AOPEP: variants seen among roughly 807,000 people sequenced by gnomAD.
The protein encoded by AOPEP is aminopeptidase O (putative).
AOPEP carries 77 observed loss-of-function variants against 98.1 expected under a neutral mutation model. The observed-to-expected ratio is 0.78, with a 90% CI of 0.65 to 0.95. AOPEP has a LOEUF of 0.95. Ranked by LOEUF, AOPEP falls within the 40% of genes least tolerant of loss-of-function variation. The pLI is 0.00. For synonymous variants in AOPEP, 346 were observed against 365.3 expected (o/e 0.95, Z 0.60); for missense variants, 1,024 against 1,024.7 (o/e 1.00, Z 0.01).
In AOPEP at chr9:95,007,397, G is replaced by C. The variant is rs1014036485; in HGVS notation, c.2115+1781G>C. 3.5e-5 allele frequency among the ~76,000 whole-genome samples: 5 copies of C among 143,498 alleles called. No homozygotes were observed. In the South Asian group the frequency reaches 1.2e-3, roughly 35 times the overall value. 94.1% of individuals were successfully genotyped at this position (143,498 alleles called of 152,430 possible). On this transcript the variant is annotated intron_variant, in intron 13 of 16. Transcript: ENST00000375315. ...CGGGGTGGGGAGAAAGTGGGGGGGG[G>C]ACTGATTATTTTACCTTGCAGGAGA...
At chr9:94,827,784 A>G (rs559762361) in intron 5 of AOPEP, among the ~76,000 whole-genome samples, 1 of 152,314 alleles carries the variant, frequency 6.6e-6, no homozygotes, top group South Asian at 2.1e-4. Context: ...TAGGCTTTCA[A>G]GATCAAAGGC....
At chr9:94,883,311 A>G (rs1169757561) in intron 5 of AOPEP, among the ~76,000 whole-genome samples, 1 of 152,246 alleles carries the variant, frequency 6.6e-6, no homozygotes, top group Non-Finnish European at 1.5e-5. Flanking sequence ...TGCAAATCGA[A>G]CAGCCTTCAG....
chr9:94,766,729 A>G (rs141349662), intron 2 of AOPEP, among the ~76,000 whole-genome samples: 5 of 152,298 alleles, frequency 3.3e-5, no homozygotes, highest in African/African-American at 7.2e-5. Flanking sequence ...AACTATAGCT[A>G]TTTGGATTTT....
chr9:94,778,256 C>T (rs1032093635), intron 3 of AOPEP, among the ~76,000 whole-genome samples: 3 of 152,118 alleles, frequency 2.0e-5, no homozygotes, highest in African/African-American at 7.2e-5. Flanking sequence ...CAAACTTAAA[C>T]ATATATTTAC....
chr9:94,743,909 C>T (rs929796610), intron 1 of AOPEP, among the ~76,000 whole-genome samples: 5 of 152,128 alleles, frequency 3.3e-5, no homozygotes, highest in African/African-American at 4.8e-5. Flanking sequence ...CAGAGTTAAG[C>T]GAGCAGGGAC....
intron 8 of AOPEP, 86 bp downstream of exon 8, chr9:94,955,365 G>C (rs1048392340): frequency 1.2e-6 from 1 of 806,960 alleles, no homozygotes; most frequent in East Asian, 2.6e-5. Context: ...TTAGTAACAA[G>C]ACTGAGGTGA....
chr9:95,000,474 A>G (rs545292893), intron 11 of AOPEP, among the ~76,000 whole-genome samples: 1 of 152,198 alleles, frequency 6.6e-6, no homozygotes, highest in Non-Finnish European at 1.5e-5. Flanking sequence ...TTGGGAGGCC[A>G]AGGTGGGTGG....
the AOPEP span, among the ~76,000 whole-genome samples, chr9:95,148,706 G>A: frequency 6.6e-6 from 1 of 152,164 alleles, no homozygotes; most frequent in African/African-American, 2.4e-5. Flanking sequence ...CATGCATAAT[G>A]CTACAAAATT....
chr9:94,734,753 A>C (rs1831351201), intron 1 of AOPEP, among the ~76,000 whole-genome samples: 1 of 152,222 alleles, frequency 6.6e-6, no homozygotes, highest in Non-Finnish European at 1.5e-5. Context: ...ATTCAACCTA[A>C]TTGTAGTGGC....
chr9:94,845,050 A>G (rs1353120042), intron 5 of AOPEP, among the ~76,000 whole-genome samples: 1 of 152,248 alleles, frequency 6.6e-6, no homozygotes, highest in Admixed American at 6.5e-5. Context: ...AGCCCATTGC[A>G]TATGGAACTT....
the AOPEP span, among the ~76,000 whole-genome samples, chr9:95,094,715 G>T: frequency 6.6e-6 from 1 of 152,180 alleles, no homozygotes; most frequent in Non-Finnish European, 1.5e-5. Flanking sequence ...TGCCCAAGTG[G>T]AGTGCAGTGG....
chr9:95,087,482 CAA>C (rs746666179), downstream of AOPEP, among the ~76,000 whole-genome samples: 394 of 37,326 alleles, frequency 0.011, no homozygotes, highest in African/African-American at 0.041. Context: ...GACTCCATCT[CAA>C]AAAAAAAAAA....
At position 95,087,046 on chromosome 9, in the gene AOPEP, T is replaced by A; in HGVS notation, c.*369T>A. The A allele has an allele frequency of 1.4e-6, 1 of 702,946 alleles. No individual in the cohort carries two copies. Among genetic ancestry groups the A allele is most frequent in the Non-Finnish European group, 1.7e-6 (1 of 571,722 alleles). 43.5% of individuals were successfully genotyped at this position (702,946 alleles called of 1,614,324 possible). A position where few individuals can be genotyped will look rare whatever the true frequency, so the allele number is the denominator to read the frequency against. On this transcript the variant is annotated 3_prime_UTR_variant, in exon 17 of 17. Coordinates refer to ENST00000375315, the MANE Select transcript of AOPEP (RefSeq NM_001193329.3). ...ACATGGCTGGATGCGGATATTTCTATAATTCCAGAAAGTCACACAGCTCCT... is the reference window on the plus strand; with the variant it reads ...ACATGGCTGGATGCGGATATTTCTAAAATTCCAGAAAGTCACACAGCTCCT...
the AOPEP span, among the ~76,000 whole-genome samples, chr9:95,113,096 C>A: frequency 2.6e-5 from 4 of 152,186 alleles, no homozygotes; most frequent in African/African-American, 9.7e-5. Context: ...CCAGGACAAC[C>A]AGGGAGGGTG....
the AOPEP span, among the ~76,000 whole-genome samples, chr9:95,132,625 G>A: frequency 3.9e-5 from 6 of 152,280 alleles, no homozygotes; most frequent in East Asian, 3.9e-4. Context: ...TCCACCGCAC[G>A]GAAGCCAAAG....
intron 1 of AOPEP, among the ~76,000 whole-genome samples, chr9:94,727,200 G>A (rs1039083673): frequency 2.6e-5 from 4 of 152,234 alleles, no homozygotes; most frequent in Non-Finnish European, 4.4e-5. Context: ...TTCCCCCGGA[G>A]GATCTTTACT....
At chr9:95,055,174 A>C (rs1467808203) in intron 13 of AOPEP, among the ~76,000 whole-genome samples, 1 of 152,188 alleles carries the variant, frequency 6.6e-6, no homozygotes, top group African/African-American at 2.4e-5. Flanking sequence ...TTGGGCAGAC[A>C]CCTGATATGT....
intron 14 of AOPEP, among the ~76,000 whole-genome samples, chr9:95,070,960 A>G (rs2068441963): frequency 6.6e-6 from 1 of 152,202 alleles, no homozygotes; most frequent in Non-Finnish European, 1.5e-5. Context: ...TTTCTTGTTA[A>G]AAGGCTAAAG....
the AOPEP span, chr9:95,101,203 C>T: frequency 1.2e-5 from 3 of 255,286 alleles, no homozygotes; most frequent in Non-Finnish European, 2.3e-5. Context: ...GCCTGAGGGA[C>T]CCTGACTCCC....
Sources: gnomAD v4.1 joint callset for allele counts (sites outside exome capture counted in the v4.1 genomes callset) on GRCh38, gnomAD v4.1.1 for gene constraint, MANE v1.5 for transcripts, NCBI Gene and HGNC (gene_info 2026-07-23, HGNC 2026-07-21) for gene names.